The following SOX5 variants were observed in gnomAD, a reference collection of about 807,000 sequenced individuals.
The protein encoded by SOX5 is transcription factor SOX-5.
Under a neutral mutation model 92.0 loss-of-function variants are expected in SOX5, and 9 were observed. The ratio of observed to expected loss-of-function variants is 0.10; its 90% CI spans 0.06 to 0.17. The LOEUF is 0.17. Ranked by LOEUF, SOX5 falls within the 10% of genes least tolerant of loss-of-function variation. SOX5 has a pLI of 1.00. For synonymous variants in SOX5, 344 were observed against 336.3 expected (o/e 1.02, Z -0.25); for missense variants, 642 against 944.5 (o/e 0.68, Z 4.20).
At chr12:23,654,146 G>T (rs1392520185) in intron 7 of SOX5, among the ~76,000 whole-genome samples, 1 of 152,048 alleles carries the variant, frequency 6.6e-6, no homozygotes, top group African/African-American at 2.4e-5. Context: ...ATGTTGAAAG[G>T]AAGAACAGAT....
At chr12:23,845,271 G>C (rs1025843503) in intron 3 of SOX5, among the ~76,000 whole-genome samples, 3 of 152,232 alleles carry the variant, frequency 2.0e-5, no homozygotes, top group Non-Finnish European at 2.9e-5. Context: ...AGGATGGACA[G>C]AGGTTTAAAT....
At chr12:24,535,539 C>A (rs1217367898) in intron 1 of SOX5, among the ~76,000 whole-genome samples, 1 of 152,048 alleles carries the variant, frequency 6.6e-6, no homozygotes, top group Non-Finnish European at 1.5e-5. Context: ...GCTTGCTTTT[C>A]CAATTGCAGT....
At chr12:24,164,956 G>A (rs1480180399) in intron 4 of SOX5, among the ~76,000 whole-genome samples, 3 of 152,000 alleles carry the variant, frequency 2.0e-5, no homozygotes, top group Non-Finnish European at 4.4e-5. Flanking sequence ...AAAGTCCAGA[G>A]TGTAAGAAAG....
At chr12:24,043,504 C>A (rs1243786104) in intron 4 of SOX5, among the ~76,000 whole-genome samples, 1 of 152,170 alleles carries the variant, frequency 6.6e-6, no homozygotes, top group Admixed American at 6.5e-5. Context: ...CATGGCAGAA[C>A]TGGGACAATC....
At chr12:24,211,791 C>G (rs1429195650) in intron 4 of SOX5, among the ~76,000 whole-genome samples, 1 of 152,182 alleles carries the variant, frequency 6.6e-6, no homozygotes, top group Non-Finnish European at 1.5e-5. Context: ...TTCTTTCTGT[C>G]TCATAAGACT....
intron 11 of SOX5, among the ~76,000 whole-genome samples, chr12:23,560,002 C>T (rs1402405018): frequency 6.6e-6 from 1 of 152,088 alleles, no homozygotes; most frequent in East Asian, 1.9e-4. Context: ...CCTCCGCCTC[C>T]AGGTTCAAGC....
At chr12:24,151,907 A>T (rs994912669) in intron 4 of SOX5, among the ~76,000 whole-genome samples, 17 of 152,130 alleles carry the variant, frequency 1.1e-4, no homozygotes, top group African/African-American at 3.6e-4. Flanking sequence ...CTATTTCTCA[A>T]GACCATATAA....
intron 3 of SOX5, among the ~76,000 whole-genome samples, chr12:24,221,457 CAT>C (rs1433394511): frequency 6.6e-6 from 1 of 152,192 alleles, no homozygotes; most frequent in Non-Finnish European, 1.5e-5. Context: ...TTCATGAGAA[CAT>C]GTGTAAATTC....
At chr12:23,774,448 A>T (rs1334888846) in intron 3 of SOX5, among the ~76,000 whole-genome samples, 1 of 152,228 alleles carries the variant, frequency 6.6e-6, no homozygotes, top group Non-Finnish European at 1.5e-5. Flanking sequence ...ATTGAAAAAT[A>T]ATATTTTTAT....
intron 1 of SOX5, among the ~76,000 whole-genome samples, chr12:24,547,349 G>A (rs894796330): frequency 2.6e-5 from 4 of 151,458 alleles, no homozygotes; most frequent in African/African-American, 7.3e-5. Context: ...CCGCCACCGC[G>A]CCCGGCTAAT....
intron 1 of SOX5, among the ~76,000 whole-genome samples, chr12:24,405,107 C>A (rs960098737): frequency 1.6e-4 from 25 of 152,160 alleles, no homozygotes; most frequent in Non-Finnish European, 7.3e-5. Context: ...TCCTCTGGAA[C>A]TGTGGGACGA....
chr12:24,056,550 T>G (rs1008081602), intron 4 of SOX5, among the ~76,000 whole-genome samples: 1 of 152,174 alleles, frequency 6.6e-6, no homozygotes, highest in African/African-American at 2.4e-5. Flanking sequence ...AAAGTAATAT[T>G]CAGAAACTTC....
chr12:23,975,843 G>T (rs1948830762), intron 4 of SOX5, among the ~76,000 whole-genome samples: 1 of 152,154 alleles, frequency 6.6e-6, no homozygotes, highest in Non-Finnish European at 1.5e-5. Context: ...TATACTCTGT[G>T]ACTTCTATTT....
At chr12:23,551,295 C>G (rs866617985) in intron 11 of SOX5, among the ~76,000 whole-genome samples, 2 of 151,738 alleles carry the variant, frequency 1.3e-5, no homozygotes, top group East Asian at 3.9e-4. Flanking sequence ...AATGTCATAA[C>G]GATTTATCAG....
chr12:24,407,016 T>C (rs1963109231), intron 1 of SOX5, among the ~76,000 whole-genome samples: 1 of 152,060 alleles, frequency 6.6e-6, no homozygotes, highest in Admixed American at 6.6e-5. Context: ...ATCCAGGACT[T>C]AAGCGGCCTT....
At chr12:23,576,537 C>T (rs950018338) in intron 9 of SOX5, among the ~76,000 whole-genome samples, 7 of 152,176 alleles carry the variant, frequency 4.6e-5, no homozygotes, top group African/African-American at 1.4e-4. Context: ...TTCTAGGTTT[C>T]TCTTTCAGTA....
intron 3 of SOX5, among the ~76,000 whole-genome samples, chr12:24,231,993 T>C (rs1963495769): frequency 6.6e-6 from 1 of 152,208 alleles, no homozygotes; most frequent in Admixed American, 6.5e-5. Flanking sequence ...TTCTTTGTGA[T>C]TTTATAATTA....
In SOX5 at chr12:23,941,672, CAAAG is replaced by C. The variant is rs905780541; in HGVS notation, c.38+7888_38+7891del. On this transcript the variant is annotated intron_variant, in intron 1 of 14. Transcript: ENST00000451604. ...ATAGATAATGCTGTATCATAGATGA[CAAAG>C]AATCTGAATCTGATATTTTATATTC... Among the ~76,000 whole-genome samples, 12 of 151,398 alleles carry C rather than the reference CAAAG, an allele frequency of 7.9e-5. 1 individual carries two copies. The South Asian group carries it at 2.5e-3, about 31-fold the overall frequency.
intron 4 of SOX5, among the ~76,000 whole-genome samples, chr12:24,113,448 T>C (rs1271146866): frequency 6.6e-6 from 1 of 152,040 alleles, no homozygotes; most frequent in Non-Finnish European, 1.5e-5. Context: ...TATTGAAGTT[T>C]ACAAAAATAC....
Sources: gnomAD v4.1 joint callset for allele counts (sites outside exome capture counted in the v4.1 genomes callset) on GRCh38, gnomAD v4.1.1 for gene constraint, MANE v1.5 for transcripts, NCBI Gene and HGNC (gene_info 2026-07-23, HGNC 2026-07-21) for gene names.